Variants in SHBG observed in about 807,000 individuals in gnomAD.
The protein encoded by SHBG is sex hormone-binding globulin.
In SHBG, 37 loss-of-function variants were observed where a neutral mutation model predicts 41.9. The ratio of observed to expected loss-of-function variants is 0.88; its 90% CI spans 0.68 to 1.16. SHBG has a LOEUF of 1.16. SHBG is among the 50% of genes most tolerant of loss of function. The probability of loss-of-function intolerance (pLI) is 0.00; values close to 1 mark genes in which losing one functional copy is unlikely to be tolerated. For synonymous variants in SHBG, 217 were observed against 205.8 expected (o/e 1.05, Z -0.47); for missense variants, 466 against 499.9 (o/e 0.93, Z 0.65).
chr17:7,631,257 C>A lies in SHBG; in HGVS notation c.451C>A (p.Leu151Met). 1 of 1,608,990 alleles carries A rather than the reference C, an allele frequency of 6.2e-7. No individual in the cohort carries two copies. Among genetic ancestry groups the A allele is most frequent in the Non-Finnish European group, 8.5e-7 (1 of 1,177,748 alleles). Residue 151 changes from leucine (L) to methionine (M), a missense_variant, in exon 4 of 8, where the codon CTG (leucine) becomes ATG (methionine). By Grantham distance (15) the Leu-to-Met change is conservative (BLOSUM62 2). Transcript: ENST00000380450. ...GCTGGAGGTGGATGGGGAGGAGGTG[C>A]TGCGCCTGAGACAGGTCTCTGGGCC... ...VLLEVDGEEV[L>M]RLRQVSGPLT...
chr17:7,614,408 G>T (rs1194726152), intron 1 of SHBG: 1 of 1,388,902 alleles, frequency 7.2e-7, no homozygotes, highest in Non-Finnish European at 9.8e-7. Context: ...CCGGCCAGGG[G>T]AGGGGGCTAA....
chr17:7,619,051 G>A (rs1192437132), intron 1 of SHBG, among the ~76,000 whole-genome samples: 1 of 152,124 alleles, frequency 6.6e-6, no homozygotes, highest in Non-Finnish European at 1.5e-5. Flanking sequence ...AAAAAGAATT[G>A]TAACTATCCA....
chr17:7,619,685 T>G (rs1257680902), intron 1 of SHBG, among the ~76,000 whole-genome samples: 4 of 143,962 alleles, frequency 2.8e-5, no homozygotes, highest in African/African-American at 7.8e-5. Flanking sequence ...CACTCCAGCC[T>G]GGGCAACAAG....
chr17:7,620,756 A>G (rs1456503853), intron 1 of SHBG, among the ~76,000 whole-genome samples: 2 of 151,526 alleles, frequency 1.3e-5, no homozygotes, highest in African/African-American at 4.9e-5. Context: ...TCAGTTTCCC[A>G]AATAGCTTGG....
chr17:7,615,273 G>C (rs1222390899), intron 1 of SHBG, among the ~76,000 whole-genome samples: 1 of 152,112 alleles, frequency 6.6e-6, no homozygotes, highest in Non-Finnish European at 1.5e-5. Context: ...GTTAGGGATG[G>C]GCATGCGCCT....
Position 7,631,559 on chromosome 17 carries a change from T to C in SHBG, c.556-30T>C, listed in dbSNP as rs531265437. 7.4e-6 allele frequency: 12 copies of C among 1,613,410 alleles called. No individual in the cohort carries two copies. The East Asian group carries it at 2.7e-4, about 36-fold the overall frequency. The stretch of plus-strand genomic sequence containing the variant: ...CGGCTCCGATGCCCTGATTTCTACA[T>C]CCCCGTATCTTATCTCTGTCACACT... On this transcript the variant is annotated intron_variant, in intron 4 of 7. Transcript: ENST00000380450.
At chr17:7,626,445 C>A, upstream of SHBG, 1 of 1,613,788 alleles carries the variant, frequency 6.2e-7, no homozygotes, top group South Asian at 1.1e-5. Context: ...CTAGGGATGG[C>A]GTCACTTTCC....
chr17:7,622,565 G>A (rs747167222), intron 1 of SHBG, among the ~76,000 whole-genome samples: 3 of 152,034 alleles, frequency 2.0e-5, no homozygotes, highest in South Asian at 2.1e-4. Flanking sequence ...GAGCCACTGC[G>A]CCTGGCCTGG....
Position 7,632,886 on chromosome 17 carries a change from T to TCCCCTCCTTAACCTCTGGG in SHBG, c.990_991insCTCCTTAACCTCTGGGCCC (p.Gly332LeufsTer13). On this transcript the variant is annotated frameshift_variant, in exon 7 of 8. Transcript: ENST00000380450. LOFTEE classifies it high-confidence loss of function. ...CGAAGATGAAGGCCCTTGCCCTGCC[T>TCCCCTCCTTAACCTCTGGG]CCCTTAGGCCTGGCTCCCCTCCTTA... 1 of 1,614,150 alleles carries TCCCCTCCTTAACCTCTGGG rather than the reference T, an allele frequency of 6.2e-7. No homozygotes were observed. Among genetic ancestry groups the TCCCCTCCTTAACCTCTGGG allele is most frequent in the Non-Finnish European group, 8.5e-7 (1 of 1,180,020 alleles).
intron 1 of SHBG, among the ~76,000 whole-genome samples, chr17:7,622,525 G>A (rs2072116709): frequency 6.6e-6 from 1 of 151,774 alleles, no homozygotes; most frequent in Admixed American, 6.6e-5. Context: ...TGCCCACCTT[G>A]GCCTCCCAAA....
At chr17:7,621,979 G>A (rs1278109813) in intron 1 of SHBG, among the ~76,000 whole-genome samples, 1 of 151,342 alleles carries the variant, frequency 6.6e-6, no homozygotes. Flanking sequence ...TGGAATTACA[G>A]GCATGCGCCA....
upstream of SHBG, chr17:7,626,760 A>G: frequency 6.2e-7 from 1 of 1,613,890 alleles, no homozygotes; most frequent in Non-Finnish European, 8.5e-7. Context: ...CACCTCAGCC[A>G]CCTTTTTGAT....
At chr17:7,629,223 A>C (rs2072320816), upstream of SHBG, among the ~76,000 whole-genome samples, 1 of 150,602 alleles carries the variant, frequency 6.6e-6, no homozygotes. Context: ...AAAACACAAA[A>C]AAATTTGCTG....
At chr17:7,619,975 C>A (rs1433575510) in intron 1 of SHBG, among the ~76,000 whole-genome samples, 2 of 152,054 alleles carry the variant, frequency 1.3e-5, no homozygotes, top group Non-Finnish European at 2.9e-5. Context: ...CCTGTAATCC[C>A]AGCCCTTTGG....
chr17:7,623,592 G>A (rs879343256), upstream of SHBG, among the ~76,000 whole-genome samples: 1 of 152,116 alleles, frequency 6.6e-6, no homozygotes, highest in Non-Finnish European at 1.5e-5. Flanking sequence ...CCAGTAGCTG[G>A]GACTACAGGC....
Position 7,630,363 on chromosome 17 carries a change from G to A in SHBG, c.112-53G>A, listed in dbSNP as rs1363509405. ...GCCCTGTAGCAGGGCCTCTCCCTCT[G>A]TCTGTCTCTGACATGTCCCTACTCA... On this transcript the variant is annotated intron_variant, in intron 1 of 7. Transcript: ENST00000380450. This position sits in a 1 kb window ranked among gnomAD's most constrained non-coding sequence, Gnocchi z 4.6. The A allele has an allele frequency of 2.5e-6, 4 of 1,595,202 alleles. No homozygotes were observed. The Admixed American group carries it at 6.7e-5, about 27-fold the overall frequency.
rs760633036 is a variant in SHBG at position 7,631,563 on chromosome 17, C to T, written c.556-26C>T. 31 of 1,613,468 alleles carry T rather than the reference C, an allele frequency of 1.9e-5. 1 individual carries two copies. Among genetic ancestry groups the T allele is most frequent in the East Asian group, 4.5e-5 (2 of 44,888 alleles). ...TCCGATGCCCTGATTTCTACATCCC[C>T]GTATCTTATCTCTGTCACACTCCAG... On this transcript the variant is annotated intron_variant, in intron 4 of 7. Coordinates refer to ENST00000380450, the MANE Select transcript of SHBG (RefSeq NM_001040.5).
intron 1 of SHBG, among the ~76,000 whole-genome samples, chr17:7,619,606 T>TGA (rs1410889522): frequency 1.3e-5 from 2 of 149,826 alleles, no homozygotes; most frequent in Admixed American, 1.3e-4. Flanking sequence ...CCCAGGAGGC[T>TGA]GAGGCAGGAC....
At position 7,632,015 on chromosome 17, in the gene SHBG, A is replaced by T. The variant is rs147372392; in HGVS notation, c.852A>T (p.Gln284His). ...PSWLSLHLQD[Q>H]KVVLSSGSGP... Reference sequence around the variant, plus strand: ...GGCTCAGTCTCCACCTCCAAGATCAAGTAAAGGGGGACAGTGGGGCATTGC... The same window carrying T: ...GGCTCAGTCTCCACCTCCAAGATCATGTAAAGGGGGACAGTGGGGCATTGC... The change falls in exon 6 of 8, where the codon CAA becomes CAT. Residue 284 changes from glutamine (Q) to histidine (H), a missense_variant and splice_region_variant. Gln to His is a conservative substitution (Grantham distance 24, BLOSUM62 0). Transcript: ENST00000380450. 6.2e-7 allele frequency: 1 copy of T among 1,613,466 alleles called. No homozygotes were observed. Among genetic ancestry groups the T allele is most frequent in the African/African-American group, 1.3e-5 (1 of 75,038 alleles).
Sources: allele counts gnomAD v4.1 joint callset (sites outside exome capture counted in the v4.1 genomes callset), GRCh38; gene constraint gnomAD v4.1.1; non-coding constraint Gnocchi (gnomAD v3.1); transcripts MANE v1.5; gene names NCBI Gene and HGNC (gene_info 2026-07-23, HGNC 2026-07-21).